GALNTL6: variants seen among roughly 807,000 people sequenced by gnomAD.
The protein encoded by GALNTL6 is polypeptide N-acetylgalactosaminyltransferase like 6.
GALNTL6 carries 46 observed loss-of-function variants against 73.7 expected under a neutral mutation model. The ratio of observed to expected loss-of-function variants is 0.62; its 90% CI spans 0.49 to 0.80. The LOEUF (loss-of-function observed/expected upper bound fraction) is 0.80, where lower values mean the gene tolerates loss of function less well. Among genes scored for constraint, GALNTL6 ranks in the 30% least tolerant of loss-of-function variants. GALNTL6 has a pLI of 0.00. For synonymous variants in GALNTL6, 259 were observed against 263.7 expected (o/e 0.98, Z 0.17); for missense variants, 604 against 755.0 (o/e 0.80, Z 2.34).
chr4:172,243,781 C>A (rs942236306), intron 3 of GALNTL6, among the ~76,000 whole-genome samples: 1 of 152,168 alleles, frequency 6.6e-6, no homozygotes, highest in South Asian at 2.1e-4. Context: ...TAGTGCTGAT[C>A]AGGGACCTGT....
chr4:172,633,991 C>G (rs1222135918), intron 5 of GALNTL6, among the ~76,000 whole-genome samples: 2 of 152,284 alleles, frequency 1.3e-5, no homozygotes, highest in African/African-American at 4.8e-5. Flanking sequence ...TCAATTAAAC[C>G]TCTTTCCTTT....
At chr4:172,817,294 G>A (rs1298522218) in intron 7 of GALNTL6, among the ~76,000 whole-genome samples, 1 of 151,888 alleles carries the variant, frequency 6.6e-6, no homozygotes, top group African/African-American at 2.4e-5. Context: ...AGTGGGGCAT[G>A]GTGGTGCACG....
At chr4:172,228,535 G>A (rs1256297588) in intron 2 of GALNTL6, among the ~76,000 whole-genome samples, 2 of 151,974 alleles carry the variant, frequency 1.3e-5, no homozygotes, top group African/African-American at 2.4e-5. Context: ...AAGCATAATG[G>A]CTGTATTATC....
At chr4:171,930,679 TA>T (rs1184264363) in intron 2 of GALNTL6, among the ~76,000 whole-genome samples, 3 of 151,504 alleles carry the variant, frequency 2.0e-5, no homozygotes, top group Non-Finnish European at 4.4e-5. Flanking sequence ...TACTAAAAAA[TA>T]AAAAAAATAG....
intron 2 of GALNTL6, among the ~76,000 whole-genome samples, chr4:172,188,573 A>G (rs1455372832): frequency 1.3e-5 from 2 of 152,224 alleles, no homozygotes; most frequent in South Asian, 2.1e-4. Flanking sequence ...AACAGAAAAC[A>G]TAAATAAATA....
intron 5 of GALNTL6, among the ~76,000 whole-genome samples, chr4:172,469,823 T>C (rs1209525343): frequency 2.6e-5 from 4 of 152,208 alleles, no homozygotes; most frequent in African/African-American, 9.6e-5. Flanking sequence ...GAAAACTAAT[T>C]TGATCCTGAT....
intron 2 of GALNTL6, among the ~76,000 whole-genome samples, chr4:172,216,644 A>G (rs915916339): frequency 1.1e-4 from 16 of 152,222 alleles, no homozygotes; most frequent in African/African-American, 3.4e-4. Flanking sequence ...CAAATATTTT[A>G]TCTCTCAGTT....
intron 3 of GALNTL6, among the ~76,000 whole-genome samples, chr4:172,294,328 C>T (rs1012570194): frequency 6.6e-6 from 1 of 152,052 alleles, no homozygotes; most frequent in Non-Finnish European, 1.5e-5. Context: ...ATTTAAAATA[C>T]TTCACTCATT....
chr4:171,988,400 C>T (rs370349067), intron 2 of GALNTL6, among the ~76,000 whole-genome samples: 18 of 152,190 alleles, frequency 1.2e-4, no homozygotes, highest in East Asian at 7.7e-4. Flanking sequence ...TGAAGCCTTG[C>T]GGCAGTACAG....
At chr4:171,925,364 T>C (rs559044479) in intron 2 of GALNTL6, among the ~76,000 whole-genome samples, 1 of 152,228 alleles carries the variant, frequency 6.6e-6, no homozygotes, top group African/African-American at 2.4e-5. Flanking sequence ...GATAATTCAG[T>C]GATCCAGCCA....
chr4:171,845,603 G>T (rs180693115), intron 2 of GALNTL6, among the ~76,000 whole-genome samples: 1 of 152,092 alleles, frequency 6.6e-6, no homozygotes, highest in Non-Finnish European at 1.5e-5. Flanking sequence ...AATTTAGAAA[G>T]TAGATGTGCT....
intron 5 of GALNTL6, among the ~76,000 whole-genome samples, chr4:172,804,138 A>AC (rs1241782745): frequency 6.6e-6 from 1 of 152,240 alleles, no homozygotes; most frequent in Non-Finnish European, 1.5e-5. Flanking sequence ...TGCCAAGTAG[A>AC]TTAAAAAAAT....
At chr4:172,648,641 C>G (rs1208970359) in intron 5 of GALNTL6, among the ~76,000 whole-genome samples, 1 of 152,080 alleles carries the variant, frequency 6.6e-6, no homozygotes, top group Non-Finnish European at 1.5e-5. Flanking sequence ...ATTCAGTGAA[C>G]AGTATAATAC....
intron 7 of GALNTL6, among the ~76,000 whole-genome samples, chr4:172,880,849 AACC>A (rs1745417095): frequency 6.6e-6 from 1 of 152,186 alleles, no homozygotes; most frequent in East Asian, 1.9e-4. Context: ...TGTCTAAAAT[AACC>A]TAAGATACAC....
chr4:172,587,303 T>C (rs544366799), intron 5 of GALNTL6, among the ~76,000 whole-genome samples: 2 of 152,276 alleles, frequency 1.3e-5, no homozygotes, highest in Non-Finnish European at 2.9e-5. Context: ...AATAGCAAAA[T>C]GGACTTGATT....
intron 2 of GALNTL6, among the ~76,000 whole-genome samples, chr4:172,097,042 GC>G (rs758350752): frequency 6.8e-4 from 104 of 152,302 alleles, no homozygotes; most frequent in Non-Finnish European, 9.3e-4. Flanking sequence ...CTGTATGTAT[GC>G]CAGGTTTCCA....
intron 5 of GALNTL6, among the ~76,000 whole-genome samples, chr4:172,660,272 A>C (rs968311714): frequency 1.9e-4 from 29 of 152,206 alleles, no homozygotes; most frequent in Non-Finnish European, 3.5e-4. Flanking sequence ...TCATAGGAAG[A>C]CCCACTAGAG....
At chr4:172,688,735 C>T (rs1385492589) in intron 5 of GALNTL6, among the ~76,000 whole-genome samples, 2 of 152,196 alleles carry the variant, frequency 1.3e-5, no homozygotes, top group Non-Finnish European at 2.9e-5. Context: ...TGGCTCTCCC[C>T]AGTGGATGAT....
At chr4:172,097,732 G>A (rs1177841956) in intron 2 of GALNTL6, among the ~76,000 whole-genome samples, 1 of 152,142 alleles carries the variant, frequency 6.6e-6, no homozygotes, top group African/African-American at 2.4e-5. Flanking sequence ...TATTAAGAAA[G>A]AAAAGCAAAT....
Sources: gnomAD v4.1 joint callset for allele counts (sites outside exome capture counted in the v4.1 genomes callset) on GRCh38, gnomAD v4.1.1 for gene constraint, MANE v1.5 for transcripts, NCBI Gene and HGNC (gene_info 2026-07-23, HGNC 2026-07-21) for gene names.